ACACB: variants seen among roughly 807,000 people sequenced by gnomAD.
ACACB encodes acetyl-CoA carboxylase beta, also known as acetyl-CoA carboxylase 2.
ACACB carries 209 observed loss-of-function variants against 278.8 expected under a neutral mutation model. That is an observed-to-expected ratio of 0.75 (90% CI 0.67 to 0.84). The LOEUF is 0.84. Among genes scored for constraint, ACACB ranks in the 40% least tolerant of loss-of-function variants. ACACB has a pLI of 0.00. For synonymous variants in ACACB, 1,174 were observed against 1,285.6 expected, an observed-to-expected ratio of 0.91 and a Z score of 1.86; for missense variants, 2,850 against 3,269.0, an observed-to-expected ratio of 0.87 and a Z score of 3.13.
chr12:109,187,862 C>A, intron 12 of ACACB, 137 bp from the exon 13 acceptor site: 1 of 844,220 alleles, frequency 1.2e-6, no homozygotes, highest in Non-Finnish European at 1.8e-6. Flanking sequence ...CTGTAACAAG[C>A]GATATCAGTG....
rs201076011 is a variant in ACACB, at chr12:109,139,830, A to C, written c.425A>C (p.Gln142Pro). 3 of 1,614,210 alleles carry C rather than the reference A, an allele frequency of 1.9e-6. No individual in the cohort carries two copies. The highest frequency in any genetic ancestry group is 3.3e-5 in the Admixed American group (2 of 60,026). The change falls in exon 2 of 53, where the codon CAG becomes CCG. Residue 142 changes from glutamine (Q) to proline (P), a missense_variant. By Grantham distance (76) the Gln-to-Pro change is moderately conservative. This residue lies in a region of ACACB where 2,265 missense variants were observed against 2,561.3 expected (regional missense o/e 0.88). Transcript: ENST00000338432. Reference sequence around the variant, plus strand: ...TCCTCCTCAGCCAGGCCCCAGGGCCAGCAAGCTGGCTCCCCCTCCAAAGAA... The same window carrying C: ...TCCTCCTCAGCCAGGCCCCAGGGCCCGCAAGCTGGCTCCCCCTCCAAAGAA... The part of the protein sequence containing the change: ...GLSSSARPQG[Q>P]QAGSPSKEDK...
chr12:109,209,757 A>G (rs2045625208), intron 21 of ACACB, among the ~76,000 whole-genome samples: 1 of 149,510 alleles, frequency 6.7e-6, no homozygotes, highest in African/African-American at 2.5e-5. Flanking sequence ...ATCATCTGGG[A>G]GCTCCATGTA....
intron 20 of ACACB, among the ~76,000 whole-genome samples, chr12:109,207,339 C>G (rs112628066): frequency 3.3e-5 from 5 of 152,182 alleles, no homozygotes; most frequent in Non-Finnish European, 7.3e-5. Flanking sequence ...TCTCCTTGAT[C>G]GTAAACTGGG....
intron 39 of ACACB, among the ~76,000 whole-genome samples, 180 bp downstream of exon 39, chr12:109,246,628 G>C (rs576473149): frequency 6.6e-6 from 1 of 152,142 alleles, no homozygotes; most frequent in Non-Finnish European, 1.5e-5. Context: ...ACTGTGGCGG[G>C]GGGGATGGTG....
At chr12:109,232,639 C>G in intron 28 of ACACB, 30 bp from the exon 29 acceptor site, 1 of 1,606,700 alleles carries the variant, frequency 6.2e-7, no homozygotes, top group Non-Finnish European at 8.5e-7. Context: ...CAAGCAGCTG[C>G]CTCATCCCCG....
intron 19 of ACACB, among the ~76,000 whole-genome samples, chr12:109,205,060 G>T (rs1400287182): frequency 6.6e-6 from 1 of 152,074 alleles, no homozygotes; most frequent in Non-Finnish European, 1.5e-5. Flanking sequence ...CACTAGGTTG[G>T]CCAGGCTGAT....
intron 2 of ACACB, among the ~76,000 whole-genome samples, chr12:109,160,989 G>A (rs943511554): frequency 2.0e-5 from 3 of 152,182 alleles, no homozygotes; most frequent in Non-Finnish European, 4.4e-5. Flanking sequence ...GGATGTCTCA[G>A]ACTTTCTGAA....
At position 109,130,930 on chromosome 12, in the gene ACACB, CT is replaced by C. The variant is rs2042809319; in HGVS notation, c.-9-8466del. On this transcript the variant is annotated intron_variant, in intron 1 of 52. Transcript: ENST00000338432. ...CTCACCCTCCCTTCTGGACAGGCGT[CT>C]GACAGATGAACCCCTTGGAACATCT... Among the ~76,000 whole-genome samples, 3 of 152,310 alleles carry C rather than the reference CT, an allele frequency of 2.0e-5. No homozygotes were observed. In the South Asian group the frequency reaches 6.2e-4, roughly 32 times the overall value.
intron 9 of ACACB, among the ~76,000 whole-genome samples, 184 bp from the exon 10 acceptor site, chr12:109,178,904 T>C (rs74634582): frequency 1.6e-3 from 246 of 152,306 alleles, no homozygotes; most frequent in Non-Finnish European, 3.1e-3. Flanking sequence ...TCCTCGTTAC[T>C]GTGGAGTCGG....
At chr12:109,168,737 G>A (rs545464011) in intron 4 of ACACB, among the ~76,000 whole-genome samples, 2 of 152,126 alleles carry the variant, frequency 1.3e-5, no homozygotes, top group Non-Finnish European at 1.5e-5. Flanking sequence ...TGGGAGGATC[G>A]CTTCAGCCCA....
At chr12:109,129,684 C>T (rs1370312414) in intron 1 of ACACB, among the ~76,000 whole-genome samples, 1 of 152,232 alleles carries the variant, frequency 6.6e-6, no homozygotes, top group Non-Finnish European at 1.5e-5. Context: ...AAAATGCCTG[C>T]CCCTGCAGGG....
chr12:109,181,953 C>T (rs1446510877), intron 11 of ACACB, among the ~76,000 whole-genome samples: 2 of 137,714 alleles, frequency 1.5e-5, no homozygotes, highest in South Asian at 2.3e-4. Context: ...GAACAATTCT[C>T]CTGCCTCAGC....
Position 109,237,295 on chromosome 12 carries a change from C to T in ACACB, c.4577C>T (p.Ala1526Val). Reference sequence around the variant, plus strand: ...CACAAGATGCACCTTTACCTGGGTGCTGCCAAGGTGAAGGAAGGTGTGGAA... The same window carrying T: ...CACAAGATGCACCTTTACCTGGGTGTTGCCAAGGTGAAGGAAGGTGTGGAA... ...ANHKMHLYLGAAKVKEGVEVT... is the reference protein window; with the variant it reads ...ANHKMHLYLGVAKVKEGVEVT... Residue 1526 changes from alanine (A) to valine (V), a missense_variant, in exon 34 of 53, where the codon GCT becomes GTT. Around this residue, in one of 3 missense-constraint regions of ACACB, gnomAD observed 2,265 missense variants for 2,561.3 expected, o/e 0.88. Transcript: ENST00000338432. 1 of 1,614,214 alleles carries T rather than the reference C, an allele frequency of 6.2e-7. No homozygotes were observed.
chr12:109,152,640 C>CTTTTTTTTTTTTTTTTTTTT (rs34863094), intron 2 of ACACB, among the ~76,000 whole-genome samples: 2 of 74,840 alleles, frequency 2.7e-5, no homozygotes, highest in Admixed American at 1.8e-4. Context: ...TTCTTTCTTT[C>CTTTTTTTTTTTTTTTTTTTT]TTTTTTTTTT....
At chr12:109,196,124 AAACTG>A (rs1286858220) in intron 16 of ACACB, among the ~76,000 whole-genome samples, 1 of 152,196 alleles carries the variant, frequency 6.6e-6, no homozygotes, top group Non-Finnish European at 1.5e-5. Flanking sequence ...TTCTGAGAGA[AAACTG>A]AACTGAAGTA....
At chr12:109,230,704 A>G (rs2046443605) in intron 28 of ACACB, among the ~76,000 whole-genome samples, 1 of 152,132 alleles carries the variant, frequency 6.6e-6, no homozygotes, top group South Asian at 2.1e-4. Context: ...TGCTGATATT[A>G]TAGGCGCGAG....
chr12:109,185,328 G>A (rs1172403827), intron 11 of ACACB, among the ~76,000 whole-genome samples: 1 of 152,204 alleles, frequency 6.6e-6, no homozygotes, highest in Non-Finnish European at 1.5e-5. Flanking sequence ...TTCTTGTTGT[G>A]TGATGTTGTT....
chr12:109,196,560 CA>C (rs1242441433), intron 16 of ACACB, among the ~76,000 whole-genome samples: 1 of 152,158 alleles, frequency 6.6e-6, no homozygotes, highest in East Asian at 1.9e-4. Flanking sequence ...CATCACCTCC[CA>C]AAGGCTCCAC....
chr12:109,266,119 C>A, intron 52 of ACACB, 117 bp from the exon 53 acceptor site: 1 of 1,318,456 alleles, frequency 7.6e-7, no homozygotes, highest in Non-Finnish European at 1.0e-6. Flanking sequence ...GGGACCACAG[C>A]AGGGACTCGG....
Sources: allele counts gnomAD v4.1 joint callset (sites outside exome capture counted in the v4.1 genomes callset), GRCh38; gene constraint gnomAD v4.1.1; regional missense constraint gnomAD v4.1.1; transcripts MANE v1.5; gene names NCBI Gene and HGNC (gene_info 2026-07-23, HGNC 2026-07-21).